Variants in MFSD11 observed in about 807,000 individuals in gnomAD.
The protein encoded by MFSD11 is UNC93-like protein MFSD11.
A neutral mutation model predicts 53.5 loss-of-function variants in MFSD11; 36 were observed. That is an observed-to-expected ratio of 0.67 (90% CI 0.52 to 0.89). The LOEUF is 0.89. Among genes scored for constraint, MFSD11 ranks in the 40% least tolerant of loss-of-function variants. The pLI is 0.00. For missense variants in MFSD11, 530 were observed against 543.9 expected, an observed-to-expected ratio of 0.97 and a Z score of 0.25; for synonymous variants, 186 against 184.9, an observed-to-expected ratio of 1.01 and a Z score of -0.05.
intron 10 of MFSD11, among the ~76,000 whole-genome samples, chr17:76,770,678 C>G (rs2081309500): frequency 6.6e-6 from 1 of 152,196 alleles, no homozygotes; most frequent in Non-Finnish European, 1.5e-5. Flanking sequence ...CTTCCCCCTT[C>G]ATGTTTGATA....
chr17:76,794,312 C>G, the MFSD11 span, among the ~76,000 whole-genome samples: 1 of 150,632 alleles, frequency 6.6e-6, no homozygotes, highest in Non-Finnish European at 1.5e-5. Context: ...GGTGAAACCC[C>G]GTCTCTACTA....
intron 8 of MFSD11, among the ~76,000 whole-genome samples, chr17:76,764,282 C>A (rs1426245327): frequency 6.6e-6 from 1 of 151,976 alleles, no homozygotes; most frequent in Non-Finnish European, 1.5e-5. Context: ...GATCTACTTT[C>A]CAACCAAATT....
At chr17:76,736,749 C>T (rs2077519547), upstream of MFSD11, 16 of 1,394,100 alleles carry the variant, frequency 1.1e-5, no homozygotes, top group African/African-American at 3.1e-5. Context: ...GTCGCCCGGG[C>T]CTCCCGCGCG....
At chr17:76,769,669 G>T in intron 9 of MFSD11, 77 bp from the exon 10 acceptor site, 3 of 1,156,374 alleles carry the variant, frequency 2.6e-6, no homozygotes, top group Non-Finnish European at 3.7e-6. Context: ...GTATTCTTTC[G>T]TCAGATACTA....
At chr17:76,801,616 T>G in the MFSD11 span, among the ~76,000 whole-genome samples, 2 of 151,846 alleles carry the variant, frequency 1.3e-5, no homozygotes, top group Non-Finnish European at 2.9e-5. Context: ...CTGGCTAATT[T>G]TGCATTTTTC....
chr17:76,744,735 A>G (rs77351634), intron 7 of MFSD11, among the ~76,000 whole-genome samples: 13,527 of 152,188 alleles, frequency 0.089, 902 homozygotes, highest in African/African-American at 0.18. Context: ...AGTGGCAGCA[A>G]TTCCTTTCAT....
chr17:76,745,912 C>T (rs559923837), intron 7 of MFSD11, among the ~76,000 whole-genome samples: 2 of 152,308 alleles, frequency 1.3e-5, no homozygotes, highest in African/African-American at 4.8e-5. Context: ...ACTGCAGCCT[C>T]TGCCTCAGCC....
Position 76,778,530 on chromosome 17 carries a change from T to C in MFSD11, c.*178T>C. The C allele has an allele frequency of 1.8e-6, 1 of 557,440 alleles. No individual in the cohort carries two copies. Among genetic ancestry groups the C allele is most frequent in the South Asian group, 3.0e-5 (1 of 33,606 alleles). The allele number at this position is 557,440 out of a possible 1,614,324, so 34.5% of individuals were successfully genotyped here. On this transcript the variant is annotated 3_prime_UTR_variant, in exon 13 of 13. Transcript: ENST00000685175. ...GTTCAAGTTTACAGATATGAGTTAT[T>C]TAAAGCAAGTAGAATAAGGGAAAGC...
At chr17:76,791,236 C>G in the MFSD11 span, among the ~76,000 whole-genome samples, 1 of 148,868 alleles carries the variant, frequency 6.7e-6, no homozygotes, top group African/African-American at 2.5e-5. Context: ...ATTTAGAGAA[C>G]AAGCAGATTG....
At chr17:76,782,662 T>G (rs1263092748), downstream of MFSD11, among the ~76,000 whole-genome samples, 1 of 150,628 alleles carries the variant, frequency 6.6e-6, no homozygotes, top group Non-Finnish European at 1.5e-5. Context: ...TATTTTTTAG[T>G]AGAGATGGGG....
downstream of MFSD11, among the ~76,000 whole-genome samples, chr17:76,782,815 TG>T (rs2082202503): frequency 6.6e-6 from 1 of 152,180 alleles, no homozygotes; most frequent in African/African-American, 2.4e-5. Context: ...GTTTTGATCT[TG>T]GTTGACTCTT....
chr17:76,790,210 G>T, the MFSD11 span, among the ~76,000 whole-genome samples: 3 of 144,196 alleles, frequency 2.1e-5, no homozygotes. Context: ...GCCTCTTGAC[G>T]CATGAGCCAC....
the MFSD11 span, among the ~76,000 whole-genome samples, chr17:76,793,864 G>T: frequency 7.8e-3 from 1,185 of 151,470 alleles, 64 homozygotes; most frequent in African/African-American, 0.027. Flanking sequence ...AGGCAGGAGG[G>T]TCAGGGTCAG....
intron 6 of MFSD11, 21 bp from the exon 7 acceptor site, chr17:76,744,301 T>C (rs916353602): frequency 1.9e-6 from 3 of 1,598,574 alleles, no homozygotes; most frequent in Non-Finnish European, 2.6e-6. Flanking sequence ...TACTATCTTG[T>C]TTCTTCTTTT....
At chr17:76,793,692 T>C in the MFSD11 span, among the ~76,000 whole-genome samples, 20 of 151,488 alleles carry the variant, frequency 1.3e-4, no homozygotes, top group Non-Finnish European at 2.2e-4. Flanking sequence ...TCTTCACAAT[T>C]TATGTTCAGA....
At chr17:76,799,109 A>G in the MFSD11 span, 1 of 152,022 alleles carries the variant, frequency 6.6e-6, no homozygotes, top group African/African-American at 2.4e-5. Context: ...AATCTTGGAG[A>G]ACATTTAAAA....
At chr17:76,748,659 A>G (rs2078770517) in intron 7 of MFSD11, among the ~76,000 whole-genome samples, 1 of 151,792 alleles carries the variant, frequency 6.6e-6, no homozygotes, top group African/African-American at 2.4e-5. Context: ...GCACTCCAGC[A>G]TGGGCAACAG....
At chr17:76,799,955 C>CT in the MFSD11 span, among the ~76,000 whole-genome samples, 86 of 138,880 alleles carry the variant, frequency 6.2e-4, 1 homozygote, top group East Asian at 3.5e-3. Flanking sequence ...TTTCTTTTTC[C>CT]TTTTTTTTTT....
intron 8 of MFSD11, among the ~76,000 whole-genome samples, chr17:76,764,080 A>G (rs1348375996): frequency 6.6e-6 from 1 of 152,016 alleles, no homozygotes; most frequent in Non-Finnish European, 1.5e-5. Flanking sequence ...GGCCCAGCTA[A>G]TCTTGAACTC....
Sources: allele counts gnomAD v4.1 joint callset (sites outside exome capture counted in the v4.1 genomes callset), GRCh38; gene constraint gnomAD v4.1.1; transcripts MANE v1.5; gene names NCBI Gene and HGNC (gene_info 2026-07-23, HGNC 2026-07-21).